The following CACNA1E variants were observed in gnomAD, a reference collection of about 807,000 sequenced individuals.
The protein encoded by CACNA1E is calcium voltage-gated channel subunit alpha1 E.
CACNA1E carries 40 observed loss-of-function variants against 259.2 expected under a neutral mutation model. That is an observed-to-expected ratio of 0.15 (90% CI 0.12 to 0.20). The LOEUF (loss-of-function observed/expected upper bound fraction) is 0.20, where lower values mean the gene tolerates loss of function less well. CACNA1E is among the 10% of genes least tolerant of loss of function. The pLI, the probability that CACNA1E is intolerant of heterozygous loss-of-function variation, is 1.00. For synonymous variants in CACNA1E, 1,104 were observed against 1,138.5 expected, an observed-to-expected ratio of 0.97 and a Z score of 0.61; for missense variants, 1,874 against 3,040.1, an observed-to-expected ratio of 0.62 and a Z score of 9.02.
Position 181,772,163 on chromosome 1 carries a change from A to C in CACNA1E, c.5071A>C (p.Asn1691His). ...DTTAPSGQNE[N>H]ERCGTDLAYV... Reference sequence around the variant, plus strand: ...CACCGCACCATCAGGGCAGAACGAGAACGAACGCTGCGGCACCGATCTGGC... The same window carrying C: ...CACCGCACCATCAGGGCAGAACGAGCACGAACGCTGCGGCACCGATCTGGC... Residue 1691 changes from asparagine (N) to histidine (H), a missense_variant, in exon 37 of 48, where the codon AAC becomes CAC. Asn to His is a moderately conservative substitution (Grantham distance 68). Coordinates refer to ENST00000367573, the MANE Select transcript of CACNA1E (RefSeq NM_001205293.3). 3 of 1,613,918 alleles carry C rather than the reference A, an allele frequency of 1.9e-6. No homozygotes were observed. The highest frequency in any genetic ancestry group is 2.5e-6 in the Non-Finnish European group (3 of 1,179,868).
intron 1 of CACNA1E, among the ~76,000 whole-genome samples, chr1:181,496,199 A>G (rs969465569): frequency 1.3e-5 from 2 of 152,248 alleles, no homozygotes; most frequent in African/African-American, 4.8e-5. Flanking sequence ...ATTTTATACC[A>G]GTATTGTACC....
At chr1:181,765,013 A>G (rs1360829628) in intron 34 of CACNA1E, among the ~76,000 whole-genome samples, 1 of 152,202 alleles carries the variant, frequency 6.6e-6, no homozygotes, top group Non-Finnish European at 1.5e-5. Context: ...TGTGTTATAG[A>G]TAGATGTTCC....
intron 3 of CACNA1E, among the ~76,000 whole-genome samples, chr1:181,517,361 G>A (rs1009331274): frequency 3.9e-5 from 6 of 152,130 alleles, no homozygotes; most frequent in African/African-American, 1.4e-4. Flanking sequence ...GCAGAGGTCA[G>A]CAGGGGCCAG....
At chr1:181,449,480 TG>T (rs927594256) in intron 2 of CACNA1E, among the ~76,000 whole-genome samples, 7 of 152,242 alleles carry the variant, frequency 4.6e-5, no homozygotes, top group African/African-American at 1.7e-4. Context: ...GCACATTGAT[TG>T]ACCTGACTCT....
chr1:181,777,331 G>A (rs1396877465), intron 38 of CACNA1E, among the ~76,000 whole-genome samples: 1 of 152,108 alleles, frequency 6.6e-6, no homozygotes, highest in African/African-American at 2.4e-5. Flanking sequence ...TACAGGCATG[G>A]ACCAAGTTGC....
chr1:181,515,925 G>A (rs1666548073), intron 3 of CACNA1E, among the ~76,000 whole-genome samples: 1 of 152,088 alleles, frequency 6.6e-6, no homozygotes, highest in Non-Finnish European at 1.5e-5. Context: ...ATGAGTGCTG[G>A]GGGAAGGCTG....
At chr1:181,581,906 T>C (rs1282901317) in intron 6 of CACNA1E, among the ~76,000 whole-genome samples, 1 of 152,210 alleles carries the variant, frequency 6.6e-6, no homozygotes, top group Non-Finnish European at 1.5e-5. Flanking sequence ...TTAGCCTGAT[T>C]CTATCTGTAT....
rs530659493 is a variant in CACNA1E at position 181,803,404 on chromosome 1, G to C, written c.*4570G>C. The C allele has an allele frequency of 4.6e-5, 7 of 152,172 alleles. No individual in the cohort carries two copies. The highest frequency in any genetic ancestry group is 1.7e-4 in the African/African-American group (7 of 41,432). The allele number at this position is 152,172 out of a possible 1,614,324, so 9.4% of individuals were successfully genotyped here. A position where few individuals can be genotyped will look rare whatever the true frequency, so the allele number is the denominator to read the frequency against. On this transcript the variant is annotated 3_prime_UTR_variant, in exon 48 of 48. Transcript: ENST00000367573. ...AAAATCCAAACAAAATTAACTCAGG[G>C]CTTGTGACCTAACCTTTGTAAGAAG... is the stretch of plus-strand genomic sequence containing the variant.
intron 1 of CACNA1E, among the ~76,000 whole-genome samples, chr1:181,501,445 T>G (rs1665242322): frequency 6.6e-6 from 1 of 152,100 alleles, no homozygotes; most frequent in Non-Finnish European, 1.5e-5. Flanking sequence ...GTCCTGGGAG[T>G]CAGATGGGAG....
chr1:181,454,790 T>C (rs1661359745), intron 2 of CACNA1E, among the ~76,000 whole-genome samples: 1 of 152,234 alleles, frequency 6.6e-6, no homozygotes, highest in Non-Finnish European at 1.5e-5. Flanking sequence ...ATTCATTCAC[T>C]TGGTATTTAT....
upstream of CACNA1E, among the ~76,000 whole-genome samples, chr1:181,478,545 C>T (rs2102442001): frequency 6.6e-6 from 1 of 152,252 alleles, no homozygotes; most frequent in South Asian, 2.1e-4. Flanking sequence ...CACTGCTTTG[C>T]ATAAGAGTCT....
chr1:181,521,961 C>T (rs1667024492), intron 3 of CACNA1E, among the ~76,000 whole-genome samples: 3 of 152,074 alleles, frequency 2.0e-5, no homozygotes. Context: ...AGGCAGGGAC[C>T]ACATCATTCA....
At chr1:181,681,436 T>C (rs1411669814) in intron 7 of CACNA1E, among the ~76,000 whole-genome samples, 1 of 152,222 alleles carries the variant, frequency 6.6e-6, no homozygotes, top group Non-Finnish European at 1.5e-5. Context: ...CCTTTTATTC[T>C]GTGAAATGTC....
At chr1:181,562,780 C>T (rs12083361) in intron 3 of CACNA1E, among the ~76,000 whole-genome samples, 1 of 152,040 alleles carries the variant, frequency 6.6e-6, no homozygotes, top group Non-Finnish European at 1.5e-5. Flanking sequence ...GAGAAAATGG[C>T]CATGCCACTT....
intron 2 of CACNA1E, among the ~76,000 whole-genome samples, chr1:181,457,683 G>T (rs1343915203): frequency 1.3e-5 from 2 of 152,218 alleles, no homozygotes; most frequent in South Asian, 4.1e-4. Context: ...TTCCCTCTGA[G>T]CCCACTGCCT....
intron 1 of CACNA1E, among the ~76,000 whole-genome samples, chr1:181,412,391 G>T (rs1286720674): frequency 2.0e-5 from 3 of 152,114 alleles, no homozygotes; most frequent in Non-Finnish European, 4.4e-5. Context: ...GGCAACACGG[G>T]GAAACGTCAT....
At chr1:181,694,193 T>C (rs1374537942) in intron 7 of CACNA1E, among the ~76,000 whole-genome samples, 1 of 152,236 alleles carries the variant, frequency 6.6e-6, no homozygotes, top group Non-Finnish European at 1.5e-5. Flanking sequence ...AATGCAATGT[T>C]GATTTAGCAT....
At chr1:181,376,191 G>C (rs528849231) in intron 1 of CACNA1E, among the ~76,000 whole-genome samples, 1 of 152,320 alleles carries the variant, frequency 6.6e-6, no homozygotes, top group Admixed American at 6.5e-5. Context: ...CTGGGAACGA[G>C]AGTGGGCATG....
intron 1 of CACNA1E, among the ~76,000 whole-genome samples, chr1:181,403,129 T>G (rs1012692731): frequency 6.6e-6 from 1 of 152,138 alleles, no homozygotes; most frequent in African/African-American, 2.4e-5. Flanking sequence ...GACTGTGTGA[T>G]CCTAACCTCG....
Sources: gnomAD v4.1 joint callset for allele counts (sites outside exome capture counted in the v4.1 genomes callset) on GRCh38, gnomAD v4.1.1 for gene constraint, MANE v1.5 for transcripts, NCBI Gene and HGNC (gene_info 2026-07-23, HGNC 2026-07-21) for gene names.